The following MDFIC variants were observed in gnomAD, a reference collection of about 807,000 sequenced individuals.
The protein encoded by MDFIC is MyoD family inhibitor domain containing.
In MDFIC, 17 loss-of-function variants were observed where a neutral mutation model predicts 23.2. The ratio of observed to expected loss-of-function variants is 0.73; its 90% CI spans 0.50 to 1.10. MDFIC has a LOEUF of 1.10. MDFIC is among the 50% of genes least tolerant of loss of function. The probability of loss-of-function intolerance (pLI) is 0.00; values close to 1 mark genes in which losing one functional copy is unlikely to be tolerated. For synonymous variants in MDFIC, 120 were observed against 115.2 expected, an observed-to-expected ratio of 1.04 and a Z score of -0.27; for missense variants, 356 against 316.6, an observed-to-expected ratio of 1.12 and a Z score of -0.95.
chr7:115,010,092 T>C (rs1441963850), intron 4 of MDFIC, among the ~76,000 whole-genome samples: 9 of 152,188 alleles, frequency 5.9e-5, no homozygotes, highest in Admixed American at 4.6e-4. Flanking sequence ...AGATGATTCC[T>C]GACTGCAAGC....
intron 4 of MDFIC, 155 bp downstream of exon 4, chr7:114,979,936 G>A: frequency 1.1e-6 from 1 of 912,444 alleles, no homozygotes; most frequent in Non-Finnish European, 1.7e-6. Context: ...CCAAAGGAAA[G>A]CACAAGATAG....
At chr7:114,992,324 A>G (rs1333710056) in intron 4 of MDFIC, among the ~76,000 whole-genome samples, 1 of 152,142 alleles carries the variant, frequency 6.6e-6, no homozygotes, top group Admixed American at 6.5e-5. Context: ...CTCTTTTCCT[A>G]GTTGAATACC....
chr7:114,964,525 A>ACTTCCCTTCC (rs369470623), intron 3 of MDFIC, among the ~76,000 whole-genome samples: 90 of 96,412 alleles, frequency 9.3e-4, no homozygotes, highest in African/African-American at 3.5e-3. Flanking sequence ...CCTTCCCTTC[A>ACTTCCCTTCC]CTTCCCTTCC....
intron 2 of MDFIC, among the ~76,000 whole-genome samples, chr7:114,938,375 A>T (rs1339851124): frequency 6.6e-6 from 1 of 152,254 alleles, no homozygotes; most frequent in African/African-American, 2.4e-5. Flanking sequence ...CAAGGGGATG[A>T]GTAGCAAAGT....
In MDFIC at chr7:115,016,233, GT is replaced by G. The variant is rs1187862882; in HGVS notation, c.*301del. 3.1e-6 allele frequency: 1 copy of G among 320,000 alleles called. No individual in the cohort carries two copies. Among genetic ancestry groups the G allele is most frequent in the African/African-American group, 2.2e-5 (1 of 45,896 alleles). The allele number at this position is 320,000 out of a possible 1,614,324, so 19.8% of individuals were successfully genotyped here. ...CCTTCTCCTTTTTACCGATATTTCT[GT>G]TTCTTTTAACCGTTCTCAGGAGCAC... On this transcript the variant is annotated 3_prime_UTR_variant, in exon 5 of 5. Transcript: ENST00000393486.
chr7:114,975,176 C>T (rs1006661586), intron 3 of MDFIC, among the ~76,000 whole-genome samples: 2 of 151,970 alleles, frequency 1.3e-5, no homozygotes, highest in African/African-American at 4.8e-5. Context: ...TGCCAGCTTT[C>T]TTTAGAAAAG....
intron 4 of MDFIC, among the ~76,000 whole-genome samples, chr7:115,004,730 T>A (rs1791534360): frequency 6.6e-6 from 1 of 151,518 alleles, no homozygotes; most frequent in South Asian, 2.1e-4. Flanking sequence ...TTTATTCCAT[T>A]TTTTTTTTCC....
Position 114,959,528 on chromosome 7 carries a change from G to T in MDFIC, c.217+17131G>T, listed in dbSNP as rs1015711352. On this transcript the variant is annotated intron_variant, in intron 3 of 4. Transcript: ENST00000393486. ...GACATATCTGCATGATATTGTTTTG[G>T]CATACAACATTAAAACTTAGTCTTT... Among the ~76,000 whole-genome samples the T allele has an allele frequency of 3.3e-5, 5 of 152,124 alleles. No individual in the cohort carries two copies. The East Asian group carries it at 5.8e-4, about 18-fold the overall frequency.
Position 114,979,629 on chromosome 7 carries a change from A to G in MDFIC, c.341A>G (p.Lys114Arg). Reference sequence around the variant, plus strand: ...GGAAATGGAATTCACCACGGGGCCAAACACGGATCCGCAGATAATCGCAAA... The same window carrying G: ...GGAAATGGAATTCACCACGGGGCCAGACACGGATCCGCAGATAATCGCAAA... ...SNGNGIHHGA[K>R]HGSADNRKLS... Residue 114 changes from lysine (K) to arginine (R), a missense_variant, in exon 4 of 5, where the codon AAA becomes AGA. Lys to Arg is a conservative substitution (Grantham distance 26). Transcript: ENST00000393486. 1 of 1,614,084 alleles carries G rather than the reference A, an allele frequency of 6.2e-7. No homozygotes were observed. The highest frequency in any genetic ancestry group is 8.5e-7 in the Non-Finnish European group (1 of 1,179,996).
chr7:114,960,845 A>G (rs1207042872), intron 3 of MDFIC, among the ~76,000 whole-genome samples: 4 of 152,212 alleles, frequency 2.6e-5, no homozygotes, highest in African/African-American at 9.6e-5. Context: ...GGCACAGACA[A>G]GGAAACAATA....
intron 2 of MDFIC, among the ~76,000 whole-genome samples, chr7:114,937,509 A>C (rs946811665): frequency 6.6e-6 from 1 of 152,210 alleles, no homozygotes; most frequent in Admixed American, 6.5e-5. Flanking sequence ...AGATTTGCAG[A>C]ATTTTTGAGC....
chr7:114,956,083 G>C (rs1164672331), intron 3 of MDFIC, among the ~76,000 whole-genome samples: 1 of 152,128 alleles, frequency 6.6e-6, no homozygotes, highest in African/African-American at 2.4e-5. Flanking sequence ...GATGTATGTG[G>C]TCCTCTAGAG....
intron 3 of MDFIC, among the ~76,000 whole-genome samples, chr7:114,953,311 CAAAA>C (rs1024759926): frequency 6.6e-6 from 1 of 151,580 alleles, no homozygotes; most frequent in African/African-American, 2.4e-5. Flanking sequence ...CCCAATGAAA[CAAAA>C]AAATAGGTAT....
intron 4 of MDFIC, among the ~76,000 whole-genome samples, chr7:115,008,904 A>G (rs1346698067): frequency 3.9e-5 from 6 of 152,232 alleles, no homozygotes; most frequent in Non-Finnish European, 8.8e-5. Context: ...ACTTCTGCAC[A>G]GAGTCCTGTT....
At chr7:114,962,043 C>CA (rs1443631565) in intron 3 of MDFIC, among the ~76,000 whole-genome samples, 3 of 152,220 alleles carry the variant, frequency 2.0e-5, no homozygotes, top group African/African-American at 4.8e-5. Context: ...TTCTGAATTG[C>CA]AAGGCATAAT....
rs1425106252 is a variant in MDFIC, at chr7:115,015,974, T to A, written c.*39T>A. On this transcript the variant is annotated 3_prime_UTR_variant, in exon 5 of 5. Coordinates refer to ENST00000393486, the MANE Select transcript of MDFIC (RefSeq NM_001166345.3). ...GTTTGTGTTAAAACTGGAGAGTGTT[T>A]AAAAATTTCCTTTTGGGGGGAAGAA... is the stretch of plus-strand genomic sequence containing the variant. 1 of 1,576,296 alleles carries A rather than the reference T, an allele frequency of 6.3e-7. No individual in the cohort carries two copies. Among genetic ancestry groups the A allele is most frequent in the Admixed American group, 1.8e-5 (1 of 55,398 alleles).
At chr7:114,976,541 T>C (rs1326308033) in intron 3 of MDFIC, among the ~76,000 whole-genome samples, 2 of 152,178 alleles carry the variant, frequency 1.3e-5, no homozygotes, top group East Asian at 1.9e-4. Context: ...TTGTAGATTT[T>C]AGTTATGAAA....
intron 3 of MDFIC, among the ~76,000 whole-genome samples, chr7:114,945,692 C>T (rs1792630551): frequency 6.6e-6 from 1 of 152,090 alleles, no homozygotes; most frequent in Non-Finnish European, 1.5e-5. Flanking sequence ...GTTCTCTTTC[C>T]TATGAAATTT....
At chr7:114,987,139 A>G (rs12537464) in intron 4 of MDFIC, among the ~76,000 whole-genome samples, 17,672 of 152,188 alleles carry the variant, frequency 0.12, 1,449 homozygotes, top group East Asian at 0.36. Flanking sequence ...CAGAGATCCT[A>G]CTTCCCAGCC....
Sources: allele counts gnomAD v4.1 joint callset (sites outside exome capture counted in the v4.1 genomes callset), GRCh38; gene constraint gnomAD v4.1.1; transcripts MANE v1.5; gene names NCBI Gene and HGNC (gene_info 2026-07-23, HGNC 2026-07-21).